BICRAL: variants seen among roughly 807,000 people sequenced by gnomAD.
BICRAL encodes BRD4-interacting chromatin-remodeling complex-associated protein-like.
BICRAL carries 8 observed loss-of-function variants against 91.8 expected under a neutral mutation model. The observed-to-expected ratio is 0.09, with a 90% CI of 0.05 to 0.16. The LOEUF is 0.16. BICRAL is among the 10% of genes least tolerant of loss of function. The pLI, the probability that BICRAL is intolerant of heterozygous loss-of-function variation, is 1.00. For synonymous variants in BICRAL, 445 were observed against 491.1 expected, an observed-to-expected ratio of 0.91 and a Z score of 1.24; for missense variants, 1,038 against 1,310.9, an observed-to-expected ratio of 0.79 and a Z score of 3.21.
intron 6 of BICRAL, among the ~76,000 whole-genome samples, chr6:42,832,062 T>C (rs994656163): frequency 6.6e-6 from 1 of 151,522 alleles, no homozygotes; most frequent in Non-Finnish European, 1.5e-5. Context: ...TAAATATATA[T>C]ATCGGCCAGG....
At chr6:42,786,909 T>A (rs1470296686) in intron 1 of BICRAL, among the ~76,000 whole-genome samples, 1 of 145,472 alleles carries the variant, frequency 6.9e-6, no homozygotes, top group Admixed American at 6.8e-5. Flanking sequence ...AGAGATCCTA[T>A]AGGTCGTCTT....
At position 42,831,888 on chromosome 6, in the gene BICRAL, G is replaced by GCCA. The variant is rs1228594585; in HGVS notation, c.1839+1720_1839+1722dup. On this transcript the variant is annotated intron_variant, in intron 6 of 12. Transcript: ENST00000314073. The stretch of plus-strand genomic sequence containing the variant: ...CAAGTAGCCGGGAACACAGGTGCAA[G>GCCA]CCACCATGCCCAACTAATTTTTGTA... Among the ~76,000 whole-genome samples the GCCA allele has an allele frequency of 2.0e-5, 3 of 151,914 alleles. No individual in the cohort carries two copies. The East Asian group carries it at 5.9e-4, about 30-fold the overall frequency.
chr6:42,773,266 C>G (rs983559631), intron 1 of BICRAL, among the ~76,000 whole-genome samples: 1 of 151,662 alleles, frequency 6.6e-6, no homozygotes, highest in African/African-American at 2.4e-5. Flanking sequence ...TTTGTAGAGA[C>G]AAGGTTTCGC....
At chr6:42,831,800 G>A (rs1003697010) in intron 6 of BICRAL, among the ~76,000 whole-genome samples, 54 of 150,994 alleles carry the variant, frequency 3.6e-4, no homozygotes, top group African/African-American at 1.3e-3. Context: ...ATGCAGTGGC[G>A]AAATCTCAGC....
intron 1 of BICRAL, among the ~76,000 whole-genome samples, chr6:42,784,419 G>T (rs764077802): frequency 2.6e-5 from 4 of 152,182 alleles, no homozygotes; most frequent in Non-Finnish European, 5.9e-5. Context: ...TTCTAGTGTA[G>T]AAAAATAACA....
At chr6:42,812,145 A>T (rs534945206) in intron 2 of BICRAL, among the ~76,000 whole-genome samples, 1 of 152,346 alleles carries the variant, frequency 6.6e-6, no homozygotes, top group East Asian at 1.9e-4. Flanking sequence ...TGCAGAAATT[A>T]TACAAATGAT....
intron 6 of BICRAL, among the ~76,000 whole-genome samples, chr6:42,832,150 C>T (rs1764502019): frequency 6.6e-6 from 1 of 151,240 alleles, no homozygotes; most frequent in Non-Finnish European, 1.5e-5. Flanking sequence ...GAGTTCAAGA[C>T]CAGCCTGGCT....
intron 6 of BICRAL, among the ~76,000 whole-genome samples, chr6:42,850,106 T>C (rs1472845554): frequency 6.6e-6 from 1 of 152,154 alleles, no homozygotes; most frequent in Non-Finnish European, 1.5e-5. Context: ...TGCCAGGGTC[T>C]ATGTGAGCAC....
chr6:42,827,127 C>T (rs1247010060), intron 5 of BICRAL, among the ~76,000 whole-genome samples: 1 of 152,130 alleles, frequency 6.6e-6, no homozygotes, highest in Non-Finnish European at 1.5e-5. Flanking sequence ...ATGGAATTAC[C>T]TCAGAGGGTG....
chr6:42,771,620 C>G (rs941408046), intron 1 of BICRAL, among the ~76,000 whole-genome samples: 1 of 151,942 alleles, frequency 6.6e-6, no homozygotes, highest in Non-Finnish European at 1.5e-5. Flanking sequence ...GGCTAGCAAC[C>G]CGACAAAATA....
chr6:42,790,011 T>C (rs147829627), intron 1 of BICRAL, among the ~76,000 whole-genome samples: 101 of 139,048 alleles, frequency 7.3e-4, no homozygotes, highest in African/African-American at 2.8e-3. Flanking sequence ...ATCAGCAATA[T>C]CTTACACTAG....
intron 1 of BICRAL, among the ~76,000 whole-genome samples, chr6:42,760,665 C>T (rs2113831244): frequency 6.6e-6 from 1 of 152,208 alleles, no homozygotes; most frequent in South Asian, 2.1e-4. Context: ...CTCAGCCTCC[C>T]AGAGAGCTGG....
chr6:42,802,488 G>A (rs1052082994), intron 1 of BICRAL, among the ~76,000 whole-genome samples: 3 of 151,566 alleles, frequency 2.0e-5, no homozygotes, highest in African/African-American at 4.9e-5. Context: ...CGCCCTTGTT[G>A]CCCAGGCTGG....
At chr6:42,805,506 G>C (rs1763679742) in intron 1 of BICRAL, among the ~76,000 whole-genome samples, 1 of 152,180 alleles carries the variant, frequency 6.6e-6, no homozygotes, top group Non-Finnish European at 1.5e-5. Flanking sequence ...CACTCTCCCT[G>C]TGTGCCTGCT....
chr6:42,795,153 C>T (rs1280741751), intron 1 of BICRAL, among the ~76,000 whole-genome samples: 5 of 152,094 alleles, frequency 3.3e-5, no homozygotes, highest in African/African-American at 4.8e-5. Flanking sequence ...GACAAAAAGT[C>T]GGGTGCGGTG....
chr6:42,850,997 C>T (rs1181184856), intron 6 of BICRAL, among the ~76,000 whole-genome samples: 1 of 151,952 alleles, frequency 6.6e-6, no homozygotes, highest in Non-Finnish European at 1.5e-5. Flanking sequence ...CCAGCCCAGC[C>T]AATATGGTGA....
In BICRAL at chr6:42,828,718, A is replaced by G. The variant is rs200956702; in HGVS notation, c.385A>G (p.Ser129Gly). 2.5e-6 allele frequency: 4 copies of G among 1,614,210 alleles called. No homozygotes were observed. The African/African-American group carries it at 5.3e-5, about 22-fold the overall frequency. Residue 129 changes from serine to glycine, a missense_variant, in exon 6 of 13, where the codon AGT becomes GGT. Physicochemically the swap from Ser to Gly is moderately conservative, Grantham distance 56. This residue lies in a region of BICRAL where 532 missense variants were observed against 724.9 expected (regional missense o/e 0.73). Transcript: ENST00000314073. Reference sequence around the variant, plus strand: ...GGCAGAAGAGGCATATTTGGATGCCAGTATAGGTTCAAGCCAACAGTTTGC... The same window carrying G: ...GGCAGAAGAGGCATATTTGGATGCCGGTATAGGTTCAAGCCAACAGTTTGC... Reference protein sequence around the residue: ...TLAEEAYLDASIGSSQQFAQA... With the variant: ...TLAEEAYLDAGIGSSQQFAQA...
chr6:42,864,213 G>A (rs1361801577), intron 12 of BICRAL, among the ~76,000 whole-genome samples: 10 of 151,692 alleles, frequency 6.6e-5, no homozygotes, highest in East Asian at 1.9e-4. Context: ...GGTGGCGGGC[G>A]CCTGTAATCC....
Position 42,776,929 on chromosome 6 carries a change from A to C in BICRAL, c.-260-4910A>C, listed in dbSNP as rs73733750. On this transcript the variant is annotated intron_variant, in intron 1 of 14. Transcript: ENST00000614467. ...TTAATATATGGGTCTCTAGACAGAG[A>C]TATGCTAATTTCTTGTAGATCTTGT... 9.5e-3 allele frequency among the ~76,000 whole-genome samples: 1,441 copies of C among 152,320 alleles called. 30 individuals carry two copies. Among genetic ancestry groups the C allele is most frequent in the African/African-American group, 0.033 (1,384 of 41,578 alleles).
Sources: gnomAD v4.1 joint callset for allele counts (sites outside exome capture counted in the v4.1 genomes callset) on GRCh38, gnomAD v4.1.1 for gene constraint, gnomAD v4.1.1 regional missense constraint, MANE v1.5 for transcripts, NCBI Gene and HGNC (gene_info 2026-07-23, HGNC 2026-07-21) for gene names.